The following GATAD2B variants were observed in gnomAD, a reference collection of about 807,000 sequenced individuals.
GATAD2B encodes transcriptional repressor p66-beta.
Under a neutral mutation model 64.3 loss-of-function variants are expected in GATAD2B, and 8 were observed. That is an observed-to-expected ratio of 0.12 (90% confidence interval 0.07 to 0.22). The LOEUF (loss-of-function observed/expected upper bound fraction) is 0.22, where lower values mean the gene tolerates loss of function less well. GATAD2B is among the 10% of genes least tolerant of loss of function. GATAD2B has a pLI of 1.00. For synonymous variants in GATAD2B, 281 were observed against 271.3 expected, an observed-to-expected ratio of 1.04 and a Z score of -0.35; for missense variants, 453 against 752.0, an observed-to-expected ratio of 0.60 and a Z score of 4.65.
intron 1 of GATAD2B, among the ~76,000 whole-genome samples, chr1:153,835,625 A>G (rs1048506744): frequency 6.6e-6 from 1 of 152,176 alleles, no homozygotes; most frequent in Admixed American, 6.6e-5. Context: ...TTTAGCAAGA[A>G]AGTGTTTTTT....
intron 1 of GATAD2B, among the ~76,000 whole-genome samples, chr1:153,863,148 G>A (rs1163866686): frequency 6.6e-6 from 1 of 152,034 alleles, no homozygotes; most frequent in Non-Finnish European, 1.5e-5. Flanking sequence ...GTTATTACTA[G>A]GCACTGTAAG....
At chr1:153,848,985 C>T (rs1232259925) in intron 1 of GATAD2B, among the ~76,000 whole-genome samples, 1 of 151,532 alleles carries the variant, frequency 6.6e-6, no homozygotes, top group Non-Finnish European at 1.5e-5. Flanking sequence ...CCCCCCCCTC[C>T]CCCAGACTGG....
intron 1 of GATAD2B, among the ~76,000 whole-genome samples, chr1:153,900,547 G>A (rs1346150698): frequency 6.6e-6 from 1 of 152,096 alleles, no homozygotes; most frequent in Non-Finnish European, 1.5e-5. Context: ...ACAGGGTCTT[G>A]CTCTGTCACC....
At chr1:153,840,220 G>T (rs543038256) in intron 1 of GATAD2B, among the ~76,000 whole-genome samples, 1 of 150,686 alleles carries the variant, frequency 6.6e-6, no homozygotes, top group Non-Finnish European at 1.5e-5. Flanking sequence ...TTTTAGTAGA[G>T]ACGGGGGTTT....
intron 1 of GATAD2B, among the ~76,000 whole-genome samples, chr1:153,869,852 T>C (rs1676603138): frequency 6.6e-6 from 1 of 152,130 alleles, no homozygotes; most frequent in African/African-American, 2.4e-5. Context: ...TTGGGCCAGG[T>C]GTGGTGACTC....
chr1:153,914,897 A>C (rs975259241), intron 1 of GATAD2B, among the ~76,000 whole-genome samples: 6 of 152,110 alleles, frequency 3.9e-5, no homozygotes, highest in African/African-American at 7.2e-5. Flanking sequence ...ATTGCATTCC[A>C]ATCTGGGCAA....
intron 1 of GATAD2B, among the ~76,000 whole-genome samples, chr1:153,902,888 T>G (rs761311678): frequency 6.6e-6 from 1 of 152,214 alleles, no homozygotes; most frequent in African/African-American, 2.4e-5. Flanking sequence ...AGAAATGTTA[T>G]GTGGAGGCCT....
intron 1 of GATAD2B, chr1:153,852,438 G>A: frequency 1.3e-6 from 1 of 763,254 alleles, no homozygotes; most frequent in Admixed American, 1.7e-5. Context: ...GCCGTGGCAT[G>A]TGGTCTGGAG....
At chr1:153,869,456 C>T (rs1045784303) in intron 1 of GATAD2B, among the ~76,000 whole-genome samples, 2 of 152,082 alleles carry the variant, frequency 1.3e-5, no homozygotes, top group Admixed American at 6.6e-5. Context: ...ATTTATTTTA[C>T]CCCATGGGTT....
chr1:153,857,974 TG>T (rs1676151578), intron 1 of GATAD2B, among the ~76,000 whole-genome samples: 2 of 152,182 alleles, frequency 1.3e-5, no homozygotes, highest in African/African-American at 4.8e-5. Flanking sequence ...ACAAATAATT[TG>T]ACAGTGAATT....
intron 1 of GATAD2B, among the ~76,000 whole-genome samples, chr1:153,894,678 C>T (rs770080506): frequency 2.0e-4 from 30 of 151,100 alleles, no homozygotes; most frequent in Middle Eastern, 3.5e-3. Context: ...CTGGCTAACA[C>T]GGGGAAACCC....
intron 1 of GATAD2B, among the ~76,000 whole-genome samples, chr1:153,829,525 C>A (rs544410876): frequency 6.6e-6 from 1 of 152,098 alleles, no homozygotes; most frequent in South Asian, 2.1e-4. Flanking sequence ...ATCACGAGGT[C>A]AGGAGTTCAA....
chr1:153,840,026 CT>C (rs779722872), intron 1 of GATAD2B, among the ~76,000 whole-genome samples: 2,208 of 97,886 alleles, frequency 0.023, 13 homozygotes, highest in African/African-American at 0.081. Context: ...AAAATACTTT[CT>C]TTTTTTTTTT....
rs1265307691 is a variant in GATAD2B at position 153,806,942 on chromosome 1, C to T, written c.*3235G>A. 1 of 152,074 alleles carries T rather than the reference C, an allele frequency of 6.6e-6. No individual in the cohort carries two copies. Among genetic ancestry groups the T allele is most frequent in the Non-Finnish European group, 1.5e-5 (1 of 68,008 alleles). 9.4% of individuals were successfully genotyped at this position (152,074 alleles called of 1,614,324 possible). Reference sequence around the variant, plus strand: ...GTAACCAAAGCAGGAAAACATTTATCTCTGTGTCTTAAAAAAAAATTGTCT... The same window carrying T: ...GTAACCAAAGCAGGAAAACATTTATTTCTGTGTCTTAAAAAAAAATTGTCT... On this transcript the variant is annotated 3_prime_UTR_variant, in exon 11 of 11. Transcript: ENST00000368655.
chr1:153,905,229 G>T (rs1296762995), intron 1 of GATAD2B, among the ~76,000 whole-genome samples: 2 of 151,992 alleles, frequency 1.3e-5, no homozygotes, highest in Non-Finnish European at 2.9e-5. Flanking sequence ...CAAACAATTA[G>T]CCGGGCGTGG....
chr1:153,877,339 TC>T (rs1676870211), intron 1 of GATAD2B, among the ~76,000 whole-genome samples: 1 of 151,728 alleles, frequency 6.6e-6, no homozygotes, highest in African/African-American at 2.4e-5. Flanking sequence ...TGAGACCCTG[TC>T]TCTAATAAAT....
intron 1 of GATAD2B, among the ~76,000 whole-genome samples, chr1:153,858,886 A>G (rs1676177695): frequency 6.6e-6 from 1 of 152,144 alleles, no homozygotes. Flanking sequence ...TATGGTCAGG[A>G]AAGTCCTGTC....
intron 1 of GATAD2B, among the ~76,000 whole-genome samples, chr1:153,849,818 G>C (rs1260010774): frequency 6.6e-6 from 1 of 152,032 alleles, no homozygotes; most frequent in Non-Finnish European, 1.5e-5. Flanking sequence ...TTTTAGCAGA[G>C]GTTAGGTCTC....
intron 2 of GATAD2B, among the ~76,000 whole-genome samples, chr1:153,826,061 T>C (rs1298775021): frequency 6.6e-6 from 1 of 151,618 alleles, no homozygotes; most frequent in Non-Finnish European, 1.5e-5. Flanking sequence ...TGGAGTGCAG[T>C]GGAGCAATCG....
Sources: allele counts gnomAD v4.1 joint callset (sites outside exome capture counted in the v4.1 genomes callset), GRCh38; gene constraint gnomAD v4.1.1; transcripts MANE v1.5; gene names NCBI Gene and HGNC (gene_info 2026-07-23, HGNC 2026-07-21).